The following ETV6 variants were observed in gnomAD, a reference collection of about 807,000 sequenced individuals.
ETV6 encodes the protein ETS variant transcription factor 6.
ETV6 carries 16 observed loss-of-function variants against 51.1 expected under a neutral mutation model. The ratio of observed to expected loss-of-function variants is 0.31; its 90% CI spans 0.21 to 0.48. The LOEUF is 0.48. Among genes scored for constraint, ETV6 ranks in the 20% least tolerant of loss-of-function variants. The pLI is 0.99. For synonymous variants in ETV6, 240 were observed against 224.1 expected (o/e 1.07, Z -0.64); for missense variants, 458 against 594.8 (o/e 0.77, Z 2.39).
chr12:11,784,842 G>A (rs1382682798), intron 2 of ETV6, among the ~76,000 whole-genome samples: 1 of 147,690 alleles, frequency 6.8e-6, no homozygotes, highest in Non-Finnish European at 1.5e-5. Flanking sequence ...AACTACAAGT[G>A]TGCACCCCGT....
In ETV6 at chr12:11,890,992, G is replaced by T; in HGVS notation, c.1305G>T (p.Glu435Asp). The T allele has an allele frequency of 6.2e-7, 1 of 1,613,908 alleles. No homozygotes were observed. Among genetic ancestry groups the T allele is most frequent in the Non-Finnish European group, 8.5e-7 (1 of 1,179,856 alleles). ...TGAGTGGCCGAACAGACCGTCTGGA[G>T]CACCTAGAGTCCCAGGAGCTGGATG... ...EIMSGRTDRL[E>D]HLESQELDEQ... The change falls in exon 8 of 8, where the codon GAG (glutamate) becomes GAT (aspartate). Residue 435 changes from glutamate to aspartate, a missense_variant. Glu to Asp is a conservative substitution (Grantham distance 45). Transcript: ENST00000396373.
chr12:11,796,736 A>C (rs78543321), intron 2 of ETV6, among the ~76,000 whole-genome samples: 3,708 of 151,678 alleles, frequency 0.024, 60 homozygotes, highest in Middle Eastern at 0.041. Flanking sequence ...TAAGACATTG[A>C]ATAGCACTAA....
At chr12:11,799,887 T>A (rs1438813048) in intron 2 of ETV6, among the ~76,000 whole-genome samples, 1 of 152,218 alleles carries the variant, frequency 6.6e-6, no homozygotes, top group Admixed American at 6.5e-5. Context: ...TGCCTTAGCC[T>A]CTGGGTCCCT....
chr12:11,751,843 A>T (rs778084413), intron 1 of ETV6: 8 of 510,632 alleles, frequency 1.6e-5, no homozygotes, highest in Non-Finnish European at 2.7e-5. Context: ...CCTAGCAATG[A>T]AGGAAAAAAT....
At chr12:11,760,738 G>C (rs913266029) in intron 2 of ETV6, among the ~76,000 whole-genome samples, 1 of 151,974 alleles carries the variant, frequency 6.6e-6, no homozygotes, top group East Asian at 1.9e-4. Context: ...TACCCTACCT[G>C]CCAGCTCACA....
chr12:11,721,414 G>A (rs551932502), intron 1 of ETV6, among the ~76,000 whole-genome samples: 4 of 152,194 alleles, frequency 2.6e-5, no homozygotes, highest in Non-Finnish European at 5.9e-5. Flanking sequence ...GTCCTTTATA[G>A]CAACATGGGT....
chr12:11,709,192 A>T (rs1268755433), intron 1 of ETV6, among the ~76,000 whole-genome samples: 1 of 152,040 alleles, frequency 6.6e-6, no homozygotes, highest in Non-Finnish European at 1.5e-5. Flanking sequence ...TAAGAACCAA[A>T]ATGACTGATA....
intron 1 of ETV6, among the ~76,000 whole-genome samples, chr12:11,700,341 T>C (rs935286427): frequency 2.0e-5 from 3 of 152,208 alleles, no homozygotes; most frequent in Non-Finnish European, 4.4e-5. Context: ...GTAGTGAACA[T>C]TGTACCCAAT....
intron 2 of ETV6, among the ~76,000 whole-genome samples, chr12:11,793,110 A>G (rs547299966): frequency 9.2e-5 from 14 of 152,136 alleles, no homozygotes; most frequent in African/African-American, 2.9e-4. Context: ...TTCTCTGTAT[A>G]CTCTAGTGTT....
chr12:11,747,132 A>C (rs1865923687), intron 1 of ETV6, among the ~76,000 whole-genome samples: 1 of 152,196 alleles, frequency 6.6e-6, no homozygotes, highest in Non-Finnish European at 1.5e-5. Context: ...CCATCTGGGT[A>C]ACCTAGAGAG....
chr12:11,663,411 C>A (rs1864136005), intron 1 of ETV6, among the ~76,000 whole-genome samples: 1 of 152,124 alleles, frequency 6.6e-6, no homozygotes, highest in Non-Finnish European at 1.5e-5. Context: ...TGCATTTATT[C>A]CAGGGTTTGT....
chr12:11,702,186 G>A (rs1355332647), intron 1 of ETV6, among the ~76,000 whole-genome samples: 1 of 152,038 alleles, frequency 6.6e-6, no homozygotes, highest in Non-Finnish European at 1.5e-5. Context: ...GGCCAGAGAT[G>A]GTGAGGGCCT....
chr12:11,784,622 T>A (rs1945457393), intron 2 of ETV6, among the ~76,000 whole-genome samples: 1 of 152,114 alleles, frequency 6.6e-6, no homozygotes, highest in Non-Finnish European at 1.5e-5. Flanking sequence ...CTAAAGTGAT[T>A]GGCAAGTGAG....
At chr12:11,689,432 TATTTTATTTC>T (rs1163139668) in intron 1 of ETV6, among the ~76,000 whole-genome samples, 4 of 152,214 alleles carry the variant, frequency 2.6e-5, no homozygotes, top group East Asian at 1.9e-4. Context: ...TATTTTATTT[TATTTTATTTC>T]ATTTTATTTC....
rs142062182 is a variant in ETV6 at position 11,795,357 on chromosome 12, T to C, written c.163+42778T>C. ...ACCGGGCCTTCCTCACAAAACATTC[T>C]GCCTCTGATTCCCTATCCTTGGAAC... On this transcript the variant is annotated intron_variant, in intron 2 of 7. Coordinates refer to ENST00000396373, the MANE Select transcript of ETV6 (RefSeq NM_001987.5). 4.6e-3 allele frequency among the ~76,000 whole-genome samples: 704 copies of C among 152,362 alleles called. 4 individuals carry two copies. Among genetic ancestry groups the C allele is most frequent in the Non-Finnish European group, 6.8e-3 (462 of 68,040 alleles).
intron 2 of ETV6, among the ~76,000 whole-genome samples, chr12:11,769,868 G>A (rs1945216136): frequency 1.3e-5 from 2 of 152,168 alleles, no homozygotes; most frequent in South Asian, 2.1e-4. Flanking sequence ...GAACAGGTGT[G>A]TGCTCTCCTG....
intron 5 of ETV6, among the ~76,000 whole-genome samples, chr12:11,872,514 T>C (rs1343469137): frequency 6.8e-6 from 1 of 147,952 alleles, no homozygotes; most frequent in Non-Finnish European, 1.5e-5. Context: ...TTTTTTTTTT[T>C]TGAGACAGAG....
intron 1 of ETV6, among the ~76,000 whole-genome samples, chr12:11,669,195 A>G (rs1864255127): frequency 1.3e-5 from 2 of 152,222 alleles, no homozygotes; most frequent in East Asian, 1.9e-4. Flanking sequence ...TTCACAAATC[A>G]TAGTAGAACT....
intron 2 of ETV6, among the ~76,000 whole-genome samples, chr12:11,793,158 A>G (rs1356652183): frequency 6.6e-6 from 1 of 152,088 alleles, no homozygotes; most frequent in Non-Finnish European, 1.5e-5. Context: ...TTCAGTTGGT[A>G]CAGTAATAAT....
Sources: gnomAD v4.1 joint callset for allele counts (sites outside exome capture counted in the v4.1 genomes callset) on GRCh38, gnomAD v4.1.1 for gene constraint, MANE v1.5 for transcripts, NCBI Gene and HGNC (gene_info 2026-07-23, HGNC 2026-07-21) for gene names.